Variants in VEPH1 observed in about 807,000 individuals in gnomAD.
VEPH1 encodes the protein ventricular zone expressed PH domain containing 1.
Under a neutral mutation model 85.2 loss-of-function variants are expected in VEPH1, and 80 were observed. That is an observed-to-expected ratio of 0.94 (90% confidence interval 0.78 to 1.13). The LOEUF is 1.13. Among genes scored for constraint, VEPH1 ranks in the 50% most tolerant of loss-of-function variants. VEPH1 has a pLI of 0.00. For missense variants in VEPH1, 955 were observed against 980.5 expected (o/e 0.97, Z 0.35); for synonymous variants, 297 against 348.0 (o/e 0.85, Z 1.63).
At chr3:157,315,208 T>C (rs1720614090) in intron 10 of VEPH1, among the ~76,000 whole-genome samples, 2 of 152,026 alleles carry the variant, frequency 1.3e-5, no homozygotes, top group Non-Finnish European at 2.9e-5. Flanking sequence ...GATTAATAAA[T>C]ACTATTCCAG....
chr3:157,416,973 C>T (rs77707591), intron 5 of VEPH1, among the ~76,000 whole-genome samples: 1 of 151,898 alleles, frequency 6.6e-6, no homozygotes, highest in Non-Finnish European at 1.5e-5. Flanking sequence ...AATACATACA[C>T]CTGGGCATAG....
chr3:157,396,606 G>A (rs1730403876), intron 6 of VEPH1, among the ~76,000 whole-genome samples: 1 of 152,104 alleles, frequency 6.6e-6, no homozygotes, highest in African/African-American at 2.4e-5. Context: ...AGCATCTGTT[G>A]TTTCTTGACT....
intron 11 of VEPH1, among the ~76,000 whole-genome samples, chr3:157,290,202 T>G (rs1427604921): frequency 6.6e-6 from 1 of 152,160 alleles, no homozygotes; most frequent in African/African-American, 2.4e-5. Flanking sequence ...GGCCTTCAGC[T>G]GGTAGCCAGT....
chr3:157,473,279 A>G (rs1447672480), intron 2 of VEPH1, among the ~76,000 whole-genome samples: 2 of 151,734 alleles, frequency 1.3e-5, no homozygotes, highest in Non-Finnish European at 2.9e-5. Flanking sequence ...TCACCATGTT[A>G]GTCAGGATGG....
chr3:157,337,911 G>C (rs896239263), intron 9 of VEPH1, among the ~76,000 whole-genome samples: 1 of 152,082 alleles, frequency 6.6e-6, no homozygotes, highest in African/African-American at 2.4e-5. Context: ...AAAATTGGCA[G>C]TTAATTTTTT....
intron 2 of VEPH1, among the ~76,000 whole-genome samples, chr3:157,473,834 GAATA>G (rs975543916): frequency 3.9e-5 from 6 of 151,948 alleles, no homozygotes; most frequent in African/African-American, 4.8e-5. Context: ...TTTAAATAAA[GAATA>G]AATTGTGAAT....
chr3:157,491,671 A>T (rs905118342), intron 2 of VEPH1, among the ~76,000 whole-genome samples: 3 of 152,172 alleles, frequency 2.0e-5, no homozygotes, highest in Non-Finnish European at 4.4e-5. Flanking sequence ...CACAAAGCTG[A>T]AAGTGCTAAG....
chr3:157,437,846 A>G lies in VEPH1; in HGVS notation c.530-9358T>C, dbSNP rs770594285. 1.3e-5 allele frequency: 19 copies of G among 1,496,620 alleles called. No homozygotes were observed. The highest frequency in any genetic ancestry group is 2.3e-5 in the Admixed American group (1 of 43,924). The allele number at this position is 1,496,620 out of a possible 1,614,324, so 92.7% of individuals were successfully genotyped here. A position where few individuals can be genotyped will look rare whatever the true frequency, so the allele number is the denominator to read the frequency against. ...CGCGCCCTGGCCGCGGTGCTAGAGGAGCTGCGGCAGACGCGAGCCGACCTG... is the reference window on the plus strand; with the variant it reads ...CGCGCCCTGGCCGCGGTGCTAGAGGGGCTGCGGCAGACGCGAGCCGACCTG... On this transcript the variant is annotated intron_variant, in intron 4 of 13. Coordinates refer to ENST00000362010, the MANE Select transcript of VEPH1 (RefSeq NM_001167912.2).
At chr3:157,361,183 C>T (rs1287632372) in intron 9 of VEPH1, among the ~76,000 whole-genome samples, 1 of 152,064 alleles carries the variant, frequency 6.6e-6, no homozygotes, top group Non-Finnish European at 1.5e-5. Context: ...ATTTCCAAGC[C>T]CTGGTATACT....
At chr3:157,491,764 GA>G (rs1258005566) in intron 2 of VEPH1, among the ~76,000 whole-genome samples, 2 of 152,052 alleles carry the variant, frequency 1.3e-5, no homozygotes, top group Non-Finnish European at 2.9e-5. Flanking sequence ...TTGCAATGTT[GA>G]AAATGTGGCA....
intron 5 of VEPH1, among the ~76,000 whole-genome samples, chr3:157,423,225 TGAAA>T (rs1007171145): frequency 7.9e-5 from 12 of 152,214 alleles, no homozygotes; most frequent in African/African-American, 2.9e-4. Flanking sequence ...TATAGTGCAC[TGAAA>T]GAAACAGTCG....
chr3:157,322,386 C>T (rs1192034013), intron 9 of VEPH1, among the ~76,000 whole-genome samples: 1 of 152,048 alleles, frequency 6.6e-6, no homozygotes, highest in African/African-American at 2.4e-5. Flanking sequence ...GCTGTTCATA[C>T]CTTTTGGCTA....
chr3:157,481,459 CACACACAAAAAAA>C (rs2109595697), intron 2 of VEPH1, among the ~76,000 whole-genome samples: 1 of 66,552 alleles, frequency 1.5e-5, no homozygotes, highest in African/African-American at 9.6e-5. Context: ...CACACACACA[CACACACAAAAAAA>C]AAAAAAAAAA....
chr3:157,446,361 A>AT (rs1734557028), intron 4 of VEPH1, among the ~76,000 whole-genome samples: 1 of 152,056 alleles, frequency 6.6e-6, no homozygotes, highest in African/African-American at 2.4e-5. Context: ...AGCAGAGCTA[A>AT]TTTTTTGGCA....
At position 157,318,601 on chromosome 3, in the gene VEPH1, C is replaced by A. The variant is rs57038071; in HGVS notation, c.1736-1400G>T. Among the ~76,000 whole-genome samples the A allele has an allele frequency of 8.2e-4, 117 of 142,372 alleles. 2 individuals are homozygous for A. In the South Asian group the frequency reaches 0.015, roughly 18 times the overall value. 93.4% of individuals were successfully genotyped at this position (142,372 alleles called of 152,430 possible). A position where few individuals can be genotyped will look rare whatever the true frequency, so the allele number is the denominator to read the frequency against. Reference sequence around the variant, plus strand: ...TAGCCTGGGCAACAGAGAAATACTCCGTCCCAAAAAAACAAAACAAAACAA... The same window carrying A: ...TAGCCTGGGCAACAGAGAAATACTCAGTCCCAAAAAAACAAAACAAAACAA... On this transcript the variant is annotated intron_variant, in intron 9 of 13. Transcript: ENST00000362010.
At chr3:157,488,557 C>T (rs1298546871) in intron 2 of VEPH1, among the ~76,000 whole-genome samples, 4 of 137,868 alleles carry the variant, frequency 2.9e-5, no homozygotes, top group African/African-American at 8.3e-5. Context: ...TTTCCTAGTC[C>T]TTCATCATCT....
chr3:157,403,733 T>C (rs1397807578), intron 6 of VEPH1, among the ~76,000 whole-genome samples: 1 of 152,178 alleles, frequency 6.6e-6, no homozygotes, highest in Non-Finnish European at 1.5e-5. Context: ...TAAAGGTTAC[T>C]GATTATTTAC....
chr3:157,320,336 T>G (rs1721220893), intron 9 of VEPH1, among the ~76,000 whole-genome samples: 1 of 152,094 alleles, frequency 6.6e-6, no homozygotes, highest in African/African-American at 2.4e-5. Flanking sequence ...GGAGGCTTCA[T>G]GGAGAAGGAG....
chr3:157,445,679 C>T (rs1441619430), intron 4 of VEPH1, among the ~76,000 whole-genome samples: 3 of 152,114 alleles, frequency 2.0e-5, no homozygotes, highest in Admixed American at 6.5e-5. Context: ...ATCCCAGCTA[C>T]TCAGGAGGGT....
Sources: gnomAD v4.1 joint callset for allele counts (sites outside exome capture counted in the v4.1 genomes callset) on GRCh38, gnomAD v4.1.1 for gene constraint, MANE v1.5 for transcripts, NCBI Gene and HGNC (gene_info 2026-07-23, HGNC 2026-07-21) for gene names.